Variants in ZNF687 observed in about 807,000 individuals in gnomAD.
ZNF687 encodes the protein zinc finger protein 687.
ZNF687 carries 13 observed loss-of-function variants against 71.8 expected under a neutral mutation model. That is an observed-to-expected ratio of 0.18 (90% CI 0.12 to 0.29). The LOEUF (loss-of-function observed/expected upper bound fraction) is 0.29. Among genes scored for constraint, ZNF687 ranks in the 10% least tolerant of loss-of-function variants. ZNF687 has a pLI of 1.00. For missense variants in ZNF687, 1,412 were observed against 1,625.6 expected (o/e 0.87, Z 2.26); for synonymous variants, 673 against 641.6 (o/e 1.05, Z -0.74).
In ZNF687 at chr1:151,287,374, G is replaced by C; in HGVS notation, c.1083G>C (p.Glu361Asp). The change falls in exon 2 of 9, where the codon GAG (glutamate) becomes GAC (aspartate). Residue 361 changes from glutamate to aspartate, a missense_variant. Glu to Asp is a conservative substitution (Grantham distance 45). Coordinates refer to ENST00000336715, the MANE Select transcript of ZNF687 (RefSeq NM_020832.3). This position sits in a 1 kb window ranked among gnomAD's most constrained non-coding sequence, Gnocchi z 5.0. ...SDPDPPAPLAEGAFLAEASLL... is the reference protein window; with the variant it reads ...SDPDPPAPLADGAFLAEASLL... ...CTGATCCACCTGCCCCCTTGGCTGA[G>C]GGGGCCTTCTTGGCTGAGGCTAGCC... is the stretch of plus-strand genomic sequence containing the variant. 6.2e-7 allele frequency: 1 copy of C among 1,614,160 alleles called. No homozygotes were observed. Among genetic ancestry groups the C allele is most frequent in the Admixed American group, 1.7e-5 (1 of 60,012 alleles).
intron 1 of ZNF687, chr1:151,284,396 G>A (rs1693857885): frequency 2.8e-6 from 1 of 361,990 alleles, no homozygotes. Context: ...TGACAGGAGA[G>A]GTCTAGGCTG....
At chr1:151,282,246 A>C (rs1017889536), upstream of ZNF687, 42 of 1,016,802 alleles carry the variant, frequency 4.1e-5, no homozygotes, top group African/African-American at 8.6e-5. Flanking sequence ...GGCAGCCCAG[A>C]CCTGGAGCGC....
Position 151,288,516 on chromosome 1 carries a change from C to T in ZNF687, c.2116-12C>T. The T allele has an allele frequency of 6.3e-7, 1 of 1,592,124 alleles. No homozygotes were observed. The highest frequency in any genetic ancestry group is 8.6e-7 in the Non-Finnish European group (1 of 1,166,062). ...CTCCTCACCGACTTTCCTTGTTTAACCCACTCGACAGGTGTGCCCAACCTG... is the reference window on the plus strand; with the variant it reads ...CTCCTCACCGACTTTCCTTGTTTAATCCACTCGACAGGTGTGCCCAACCTG... On this transcript the variant is annotated splice_polypyrimidine_tract_variant and intron_variant, in intron 2 of 8. Coordinates refer to ENST00000336715, the MANE Select transcript of ZNF687 (RefSeq NM_020832.3).
intron 1 of ZNF687, chr1:151,285,536 C>T (rs1175356142): frequency 1.3e-5 from 2 of 152,242 alleles, no homozygotes; most frequent in Non-Finnish European, 2.9e-5. Context: ...GCCTCAGCCT[C>T]CCGAGTAGCT....
At position 151,288,559 on chromosome 1, in the gene ZNF687, A is replaced by G. The variant is rs1694056629; in HGVS notation, c.2147A>G (p.Asn716Ser). ...CCAACCTGCCCCATGATGCTCCCCA[A>G]TCGCTGCAGCTTCAGCGCCCACCAG... is the stretch of plus-strand genomic sequence containing the variant. ...VCPTCPMMLP[N>S]RCSFSAHQRM... Residue 716 changes from asparagine to serine, a missense_variant, in exon 3 of 9, where the codon AAT becomes AGT. By Grantham distance (46) the Asn-to-Ser change is conservative (BLOSUM62 1). Transcript: ENST00000336715. 6.2e-7 allele frequency: 1 copy of G among 1,612,774 alleles called. No individual in the cohort carries two copies. Among genetic ancestry groups the G allele is most frequent in the Non-Finnish European group, 8.5e-7 (1 of 1,179,220 alleles).
rs1255438551 is a variant in ZNF687, at chr1:151,289,872, G to A, written c.2829G>A (p.Arg943=). The A allele has an allele frequency of 2.6e-6, 4 of 1,564,146 alleles. No individual in the cohort carries two copies. Among genetic ancestry groups the A allele is most frequent in the Non-Finnish European group, 3.5e-6 (4 of 1,153,532 alleles). ...SSPEPPRPAK[R]PRRELGSKGL... Reference sequence around the variant, plus strand: ...CTGAGCCCCCCCGTCCAGCCAAACGGCCTCGGCGGGAACTAGGGAGCAAAG... The same window carrying A: ...CTGAGCCCCCCCGTCCAGCCAAACGACCTCGGCGGGAACTAGGGAGCAAAG... Residue 943 remains arginine (R), a synonymous_variant, in exon 6 of 9, where the codon CGG becomes CGA. Coordinates refer to ENST00000336715, the MANE Select transcript of ZNF687 (RefSeq NM_020832.3).
upstream of ZNF687, chr1:151,281,604 G>C (rs1230008071): frequency 6.4e-6 from 3 of 471,092 alleles, no homozygotes; most frequent in Admixed American, 7.0e-5. Context: ...CTCCCGCAGA[G>C]GGAGGAGCGA....
intron 8 of ZNF687, 67 bp downstream of exon 8, chr1:151,290,640 C>A: frequency 6.3e-7 from 1 of 1,581,570 alleles, no homozygotes; most frequent in Non-Finnish European, 8.6e-7. Flanking sequence ...AGACCATGGC[C>A]TCAGGAAGCG....
At position 151,289,128 on chromosome 1, in the gene ZNF687, G is replaced by C. The variant is rs1440668808; in HGVS notation, c.2328G>C (p.Val776=). 2.5e-6 allele frequency: 4 copies of C among 1,614,178 alleles called. No homozygotes were observed. Among genetic ancestry groups the C allele is most frequent in the Non-Finnish European group, 3.4e-6 (4 of 1,180,028 alleles). Residue 776 remains valine, a synonymous_variant, in exon 4 of 9, where the codon GTG becomes GTC. Transcript: ENST00000336715. ...CPSCSVVFGG[V]NSIKSHIQTS... is the part of the protein sequence containing the mutation. ...GCTGTTCAGTGGTGTTTGGGGGTGT[G>C]AACTCCATCAAGTCCCACATCCAGA...
In ZNF687 at chr1:151,287,648, G is replaced by C. The variant is rs1405187935; in HGVS notation, c.1357G>C (p.Asp453His). ...GLVPQALPKA[D>H]GRAGLGTGGQ... Reference sequence around the variant, plus strand: ...GGTGCCCCAAGCCCTGCCTAAGGCTGACGGGCGGGCAGGGCTGGGGACTGG... The same window carrying C: ...GGTGCCCCAAGCCCTGCCTAAGGCTCACGGGCGGGCAGGGCTGGGGACTGG... Residue 453 changes from aspartate to histidine, a missense_variant, in exon 2 of 9, where the codon GAC becomes CAC. By Grantham distance (81) the Asp-to-His change is moderately conservative. Around this residue, in one of 8 missense-constraint regions of ZNF687, gnomAD observed 133 missense variants for 155.1 expected, o/e 0.86. Coordinates refer to ENST00000336715, the MANE Select transcript of ZNF687 (RefSeq NM_020832.3). This position sits in a 1 kb window ranked among gnomAD's most constrained non-coding sequence, Gnocchi z 5.0. The C allele has an allele frequency of 5.6e-6, 9 of 1,613,418 alleles. No homozygotes were observed. The highest frequency in any genetic ancestry group is 1.1e-5 in the South Asian group (1 of 91,042).
Position 151,288,413 on chromosome 1 carries a change from C to A in ZNF687, c.2115+7C>A. 1 of 1,601,182 alleles carries A rather than the reference C, an allele frequency of 6.2e-7. No homozygotes were observed. Among genetic ancestry groups the A allele is most frequent in the South Asian group, 1.1e-5 (1 of 90,016 alleles). ...CCCTGGGGCCACCAGCAATGTGAGT[C>A]ACCTTTCACAGCCCTTCTGTGGGGA... On this transcript the variant is annotated splice_region_variant and intron_variant, in intron 2 of 8. Transcript: ENST00000336715.
Position 151,287,199 on chromosome 1 carries a change from A to G in ZNF687, c.908A>G (p.Gln303Arg), listed in dbSNP as rs1186566948. The G allele has an allele frequency of 6.2e-7, 1 of 1,614,210 alleles. No homozygotes were observed. Among genetic ancestry groups the G allele is most frequent in the East Asian group, 2.2e-5 (1 of 44,880 alleles). ...PVDKSSPGSP[Q>R]SPSSGAEAAD... Reference sequence around the variant, plus strand: ...GACAAGTCTTCCCCAGGAAGTCCCCAGAGTCCCTCTAGTGGGGCCGAGGCT... The same window carrying G: ...GACAAGTCTTCCCCAGGAAGTCCCCGGAGTCCCTCTAGTGGGGCCGAGGCT... Residue 303 changes from glutamine to arginine, a missense_variant, in exon 2 of 9, where the codon CAG (glutamine) becomes CGG (arginine). Physicochemically the swap from Gln to Arg is conservative, Grantham distance 43 (BLOSUM62 1). This residue lies in a region of ZNF687 where 490 missense variants were observed against 489.9 expected (regional missense o/e 1.00). Transcript: ENST00000336715. The surrounding 1 kb of genome is among the most constrained non-coding windows in gnomAD (Gnocchi z 5.0).
chr1:151,291,296 A>G lies in ZNF687; in HGVS notation c.*87A>G. On this transcript the variant is annotated 3_prime_UTR_variant, in exon 9 of 9. Transcript: ENST00000336715. ...CTGATCCCTCGGCTGGGGAGTTTTC[A>G]TTAACATTAATATTTTGTTAATTCC... The G allele has an allele frequency of 2.7e-6, 4 of 1,459,434 alleles. No homozygotes were observed. Among genetic ancestry groups the G allele is most frequent in the Non-Finnish European group, 3.7e-6 (4 of 1,092,370 alleles). The allele number at this position is 1,459,434 out of a possible 1,614,324, so 90.4% of individuals were successfully genotyped here.
Position 151,287,087 on chromosome 1 carries a change from T to C in ZNF687, c.796T>C (p.Ser266Pro). Residue 266 changes from serine to proline, a missense_variant, in exon 2 of 9, where the codon TCT becomes CCT. Around this residue, in one of 8 missense-constraint regions of ZNF687, gnomAD observed 490 missense variants for 489.9 expected, o/e 1.00. Transcript: ENST00000336715. This position sits in a 1 kb window ranked among gnomAD's most constrained non-coding sequence, Gnocchi z 5.0. ...TGCTGGGGTGCCCTTCTTCAAGCAG[T>C]CTCCAGGGCACCAGAGCCCTCTTGC... Reference protein sequence around the residue: ...PVAGVPFFKQSPGHQSPLASP... With the variant: ...PVAGVPFFKQPPGHQSPLASP... 1.2e-6 allele frequency: 2 copies of C among 1,613,780 alleles called. No individual in the cohort carries two copies. The highest frequency in any genetic ancestry group is 2.2e-5 in the South Asian group (2 of 91,060).
At chr1:151,285,268 A>G (rs1035359190) in intron 1 of ZNF687, 1 of 152,242 alleles carries the variant, frequency 6.6e-6, no homozygotes, top group African/African-American at 2.4e-5. Context: ...CCATGCGGAC[A>G]TGAATGAGTC....
intron 1 of ZNF687, chr1:151,285,777 T>G (rs1384802217): frequency 1.3e-5 from 2 of 152,938 alleles, no homozygotes; most frequent in Non-Finnish European, 2.9e-5. Flanking sequence ...TGGCGTGATC[T>G]TGGCTCATTG....
intron 1 of ZNF687, chr1:151,285,227 C>T (rs1693891461): frequency 6.6e-6 from 1 of 152,100 alleles, no homozygotes; most frequent in Admixed American, 6.5e-5. Flanking sequence ...TGTGTGGACC[C>T]CAGAAGATCC....
At position 151,287,400 on chromosome 1, in the gene ZNF687, T is replaced by C; in HGVS notation, c.1109T>C (p.Leu370Pro). 7 of 1,614,142 alleles carry C rather than the reference T, an allele frequency of 4.3e-6. No homozygotes were observed. The highest frequency in any genetic ancestry group is 5.9e-6 in the Non-Finnish European group (7 of 1,180,038). The change falls in exon 2 of 9, where the codon CTC (leucine) becomes CCC (proline). Residue 370 changes from leucine (L) to proline (P), a missense_variant. Leu to Pro is a moderately conservative substitution (Grantham distance 98). This residue lies in a region of ZNF687 where 490 missense variants were observed against 489.9 expected (regional missense o/e 1.00). Coordinates refer to ENST00000336715, the MANE Select transcript of ZNF687 (RefSeq NM_020832.3). The surrounding 1 kb of genome is among the most constrained non-coding windows in gnomAD (Gnocchi z 5.0). The part of the protein sequence containing the change: ...AEGAFLAEAS[L>P]LKLSPATPTS... ...GGGGCCTTCTTGGCTGAGGCTAGCC[T>C]CTTGAAGCTGTCCCCTGCAACACCT...
At position 151,289,250 on chromosome 1, in the gene ZNF687, G is replaced by A; in HGVS notation, c.2450G>A (p.Ser817Asn). Residue 817 changes from serine to asparagine, a missense_variant, in exon 4 of 9, where the codon AGC becomes AAC. Coordinates refer to ENST00000336715, the MANE Select transcript of ZNF687 (RefSeq NM_020832.3). ...AHAHLYSQHP[S>N]FQTQQAKLIY... ...GCCCACCTCTACTCCCAGCATCCCA[G>A]CTTCCAAACTCAGCAGGCCAAGTGA... 1.2e-6 allele frequency: 2 copies of A among 1,614,006 alleles called. No individual in the cohort carries two copies. The highest frequency in any genetic ancestry group is 1.7e-6 in the Non-Finnish European group (2 of 1,179,992).
Sources: gnomAD v4.1 joint callset for allele counts on GRCh38, gnomAD v4.1.1 for gene constraint, gnomAD v4.1.1 regional missense constraint, Gnocchi (gnomAD v3.1) non-coding constraint, MANE v1.5 for transcripts, NCBI Gene and HGNC (gene_info 2026-07-23, HGNC 2026-07-21) for gene names.